The following LRRC28 variants were observed in gnomAD, a reference collection of about 807,000 sequenced individuals.
The protein encoded by LRRC28 is leucine rich repeat containing 28.
A neutral mutation model predicts 45.7 loss-of-function variants in LRRC28; 39 were observed. That is an observed-to-expected ratio of 0.85 (90% CI 0.66 to 1.12). The LOEUF (loss-of-function observed/expected upper bound fraction) is 1.12, where lower values mean the gene tolerates loss of function less well. LRRC28 is among the 50% of genes most tolerant of loss of function. LRRC28 has a pLI of 0.00. For missense variants in LRRC28, 435 were observed against 438.5 expected (o/e 0.99, Z 0.07); for synonymous variants, 206 against 178.8 (o/e 1.15, Z -1.22).
rs116025869 is a variant in LRRC28, at chr15:99,386,916, A to T, written c.*814A>T. On this transcript the variant is annotated 3_prime_UTR_variant, in exon 10 of 10. Transcript: ENST00000301981. ...CTGATTTTTTTCTTTCTCAATATAA[A>T]GTTTCCATACAATGAGAAAGGGGGA... 1 of 152,186 alleles carries T rather than the reference A, an allele frequency of 6.6e-6. No homozygotes were observed. The highest frequency in any genetic ancestry group is 1.5e-5 in the Non-Finnish European group (1 of 68,042). The allele number at this position is 152,186 out of a possible 1,614,324, so 9.4% of individuals were successfully genotyped here.
intron 2 of LRRC28, among the ~76,000 whole-genome samples, chr15:99,274,161 CAA>C (rs2081556619): frequency 6.6e-6 from 1 of 152,104 alleles, no homozygotes; most frequent in African/African-American, 2.4e-5. Context: ...ATGGTACTGT[CAA>C]GAGTGAGTAT....
At chr15:99,336,955 A>C (rs928786427) in intron 6 of LRRC28, among the ~76,000 whole-genome samples, 2 of 152,190 alleles carry the variant, frequency 1.3e-5, no homozygotes, top group African/African-American at 4.8e-5. Flanking sequence ...TCTGATCCAC[A>C]GCCCTGTTCT....
chr15:99,276,914 G>GA (rs2081631948), intron 3 of LRRC28, among the ~76,000 whole-genome samples: 1 of 152,112 alleles, frequency 6.6e-6, no homozygotes, highest in Admixed American at 6.6e-5. Flanking sequence ...ATGTAATTGG[G>GA]AAAATCTATT....
chr15:99,359,073 TAAAAAA>T (rs568444032), intron 7 of LRRC28, among the ~76,000 whole-genome samples: 3 of 144,958 alleles, frequency 2.1e-5, no homozygotes, highest in African/African-American at 7.6e-5. Context: ...GGCTCTGTCT[TAAAAAA>T]AAAAAAATCT....
At chr15:99,263,627 G>C (rs144366050) in intron 2 of LRRC28, among the ~76,000 whole-genome samples, 48 of 152,302 alleles carry the variant, frequency 3.2e-4, no homozygotes, top group African/African-American at 1.1e-3. Context: ...CTTGCGTTCT[G>C]TACCTTCACT....
At chr15:99,326,515 G>A (rs1057366300) in intron 5 of LRRC28, 1 of 152,272 alleles carries the variant, frequency 6.6e-6, no homozygotes, top group Admixed American at 6.5e-5. Context: ...AAAGAACCAG[G>A]CTGCTGAGTT....
At chr15:99,345,178 G>A (rs1956639429) in intron 6 of LRRC28, among the ~76,000 whole-genome samples, 1 of 151,528 alleles carries the variant, frequency 6.6e-6, no homozygotes, top group Non-Finnish European at 1.5e-5. Context: ...AATAGAACAA[G>A]GATTCAAACC....
intron 5 of LRRC28, among the ~76,000 whole-genome samples, chr15:99,327,369 A>G (rs11853523): frequency 6.6e-6 from 1 of 152,262 alleles, no homozygotes; most frequent in East Asian, 1.9e-4. Context: ...GTGCCAGGCT[A>G]CTAATTCAGT....
chr15:99,371,790 C>T (rs1359144945), intron 9 of LRRC28, among the ~76,000 whole-genome samples: 1 of 152,214 alleles, frequency 6.6e-6, no homozygotes, highest in African/African-American at 2.4e-5. Flanking sequence ...TTCCTCCTTA[C>T]AACATTCAAA....
intron 9 of LRRC28, among the ~76,000 whole-genome samples, chr15:99,374,190 G>A (rs1957560689): frequency 6.6e-6 from 1 of 152,004 alleles, no homozygotes; most frequent in African/African-American, 2.4e-5. Flanking sequence ...ATTTGGAAAC[G>A]GTTGACATAT....
At chr15:99,332,963 G>A (rs1042995424) in intron 5 of LRRC28, among the ~76,000 whole-genome samples, 59 of 152,302 alleles carry the variant, frequency 3.9e-4, no homozygotes, top group Non-Finnish European at 7.9e-4. Flanking sequence ...CTCGGGAACA[G>A]GGACAGGATG....
At chr15:99,277,775 T>C (rs1250453622) in intron 3 of LRRC28, among the ~76,000 whole-genome samples, 1 of 150,750 alleles carries the variant, frequency 6.6e-6, no homozygotes, top group Non-Finnish European at 1.5e-5. Context: ...CATCATGGCT[T>C]TTTCTTTGTC....
At chr15:99,266,278 A>G (rs563150833) in intron 2 of LRRC28, among the ~76,000 whole-genome samples, 1 of 152,320 alleles carries the variant, frequency 6.6e-6, no homozygotes, top group East Asian at 1.9e-4. Context: ...AAAAAAGAAT[A>G]CAGATAGCAA....
At chr15:99,333,767 T>G in intron 5 of LRRC28, 156 bp from the exon 6 acceptor site, 1 of 748,138 alleles carries the variant, frequency 1.3e-6, no homozygotes. Context: ...TTGGATTATT[T>G]GCATTTTCAC....
chr15:99,287,110 C>T lies in LRRC28; in HGVS notation c.210-147C>T, dbSNP rs73471392. 2.0e-4 allele frequency: 110 copies of T among 563,964 alleles called. 1 individual carries two copies. In the African/African-American group the frequency reaches 2.1e-3, roughly 11 times the overall value. 34.9% of individuals were successfully genotyped at this position (563,964 alleles called of 1,614,324 possible). A position where few individuals can be genotyped will look rare whatever the true frequency, so the allele number is the denominator to read the frequency against. On this transcript the variant is annotated intron_variant, in intron 3 of 9. Transcript: ENST00000301981. ...AGTATTATTAGTTAGCTGTGATAAC[C>T]ATTATTGTATGTTGATGCATTAGAG...
chr15:99,339,415 C>T (rs1459835445), intron 6 of LRRC28, among the ~76,000 whole-genome samples: 1 of 152,068 alleles, frequency 6.6e-6, no homozygotes, highest in Admixed American at 6.6e-5. Flanking sequence ...CGATGGAATT[C>T]TTATTCAATG....
intron 3 of LRRC28, chr15:99,284,945 C>G: frequency 1.6e-6 from 1 of 611,044 alleles, no homozygotes; most frequent in South Asian, 1.4e-5. Context: ...AGTTGTCATT[C>G]CCATCAAAAC....
chr15:99,363,116 T>C lies in LRRC28; in HGVS notation c.882T>C (p.Phe294=), dbSNP rs764135211. The C allele has an allele frequency of 1.2e-6, 2 of 1,607,358 alleles. No individual in the cohort carries two copies. The highest frequency in any genetic ancestry group is 1.7e-6 in the Non-Finnish European group (2 of 1,176,936). The change falls in exon 9 of 10, where the codon TTT becomes TTC. Residue 294 remains phenylalanine, a synonymous_variant. Coordinates refer to ENST00000301981, the MANE Select transcript of LRRC28 (RefSeq NM_144598.5). The part of the protein sequence containing the change: ...TYHSLLKDLN[F]LSPISLPRSL... ...TCTTTTGTGTTCCAGATTTGAACTT[T>C]CTGTCTCCAATCTCATTACCCAGAA...
intron 6 of LRRC28, among the ~76,000 whole-genome samples, chr15:99,343,260 A>C (rs1352048080): frequency 1.3e-5 from 2 of 152,222 alleles, no homozygotes; most frequent in African/African-American, 4.8e-5. Flanking sequence ...CTTTTGATAA[A>C]ATAAATGAAT....
Sources: gnomAD v4.1 joint callset for allele counts (sites outside exome capture counted in the v4.1 genomes callset) on GRCh38, gnomAD v4.1.1 for gene constraint, MANE v1.5 for transcripts, NCBI Gene and HGNC (gene_info 2026-07-23, HGNC 2026-07-21) for gene names.